Variants in ANKS1B observed in about 807,000 individuals in gnomAD.
ANKS1B encodes the protein ankyrin repeat and sterile alpha motif domain-containing protein 1B.
Under a neutral mutation model 148.3 loss-of-function variants are expected in ANKS1B, and 36 were observed. That is an observed-to-expected ratio of 0.24 (90% CI 0.19 to 0.32). ANKS1B has a LOEUF of 0.32. Ranked by LOEUF, ANKS1B falls within the 10% of genes least tolerant of loss-of-function variation. The pLI, the probability that ANKS1B is intolerant of heterozygous loss-of-function variation, is 1.00. For missense variants in ANKS1B, 1,157 were observed against 1,542.6 expected (o/e 0.75, Z 4.19); for synonymous variants, 542 against 560.8 (o/e 0.97, Z 0.47).
At chr12:98,822,641 G>A (rs1356065623) in intron 19 of ANKS1B, among the ~76,000 whole-genome samples, 1 of 152,090 alleles carries the variant, frequency 6.6e-6, no homozygotes, top group African/African-American at 2.4e-5. Context: ...TCCATGGTCT[G>A]GTTTTAACTG....
At chr12:99,235,577 C>T (rs955213621) in intron 14 of ANKS1B, among the ~76,000 whole-genome samples, 5 of 152,142 alleles carry the variant, frequency 3.3e-5, no homozygotes, top group Non-Finnish European at 1.5e-5. Flanking sequence ...TAGGCTGGTT[C>T]GTTGGGTTTT....
chr12:99,734,926 C>T (rs1359684640), intron 8 of ANKS1B, among the ~76,000 whole-genome samples: 2 of 152,094 alleles, frequency 1.3e-5, no homozygotes, highest in African/African-American at 4.8e-5. Context: ...TCCCTCCAGA[C>T]CCACCCTGCA....
chr12:99,905,850 C>A (rs1269895224), intron 1 of ANKS1B, among the ~76,000 whole-genome samples: 1 of 152,154 alleles, frequency 6.6e-6, no homozygotes, highest in East Asian at 1.9e-4. Context: ...AAGACCCTGT[C>A]TCCAAATACA....
At chr12:99,411,278 C>A (rs1350195039) in intron 11 of ANKS1B, among the ~76,000 whole-genome samples, 5 of 152,128 alleles carry the variant, frequency 3.3e-5, no homozygotes, top group Non-Finnish European at 7.3e-5. Flanking sequence ...TGTTTAGGTC[C>A]CACTTATTAG....
intron 1 of ANKS1B, among the ~76,000 whole-genome samples, chr12:99,884,636 A>G (rs1448803248): frequency 6.6e-6 from 1 of 152,236 alleles, no homozygotes; most frequent in Non-Finnish European, 1.5e-5. Context: ...CAAAGATGAC[A>G]GATGTAAAAC....
chr12:99,308,863 T>A (rs2082721550), intron 12 of ANKS1B, among the ~76,000 whole-genome samples: 1 of 150,138 alleles, frequency 6.7e-6, no homozygotes, highest in South Asian at 2.1e-4. Flanking sequence ...AGATTTATTG[T>A]TATTATGTAG....
chr12:99,850,281 G>GTCTCTCCCTCTCCCTCTC (rs57015094), intron 1 of ANKS1B, among the ~76,000 whole-genome samples: 1 of 114,206 alleles, frequency 8.8e-6, no homozygotes, highest in Non-Finnish European at 1.8e-5. Context: ...AAGCAAGAAA[G>GTCTCTCCCTCTCCCTCTC]TCTCTCTCTC....
chr12:98,830,438 GC>G (rs1364635452), intron 18 of ANKS1B, among the ~76,000 whole-genome samples: 1 of 152,028 alleles, frequency 6.6e-6, no homozygotes, highest in Non-Finnish European at 1.5e-5. Flanking sequence ...CTCTCAGGAG[GC>G]TAAGCTTGTC....
At chr12:98,742,113 A>G (rs2097802941), downstream of ANKS1B, among the ~76,000 whole-genome samples, 1 of 152,236 alleles carries the variant, frequency 6.6e-6, no homozygotes, top group Non-Finnish European at 1.5e-5. Context: ...GGCTTGGAAC[A>G]TGCATATTAG....
intron 12 of ANKS1B, among the ~76,000 whole-genome samples, chr12:99,332,001 AGCTGGGTATAACCTCT>A (rs935046988): frequency 6.6e-6 from 1 of 152,056 alleles, no homozygotes; most frequent in Admixed American, 6.6e-5. Flanking sequence ...ATATATTCAC[AGCTGGGTATAACCTCT>A]GCAGGCACCA....
In ANKS1B at chr12:99,020,168, T is replaced by C. The variant is rs141632464; in HGVS notation, c.2778+32989A>G. Among the ~76,000 whole-genome samples, 100 of 152,232 alleles carry C rather than the reference T, an allele frequency of 6.6e-4. No individual in the cohort carries two copies. The East Asian group carries it at 0.014, about 21-fold the overall frequency. On this transcript the variant is annotated intron_variant, in intron 17 of 26. Coordinates refer to ENST00000683438, the MANE Select transcript of ANKS1B (RefSeq NM_001352186.2). ...GTGGCATTAAGTACATCTACACTGT[T>C]ATGCAACCATCACCATCATCCATCT...
intron 5 of ANKS1B, among the ~76,000 whole-genome samples, chr12:99,780,437 A>G (rs755817495): frequency 4.0e-5 from 5 of 125,302 alleles, no homozygotes; most frequent in Non-Finnish European, 7.0e-5. Flanking sequence ...CACCATGCCC[A>G]ACTAATTTTT....
intron 8 of ANKS1B, among the ~76,000 whole-genome samples, chr12:99,705,558 G>A (rs548283652): frequency 8.0e-4 from 121 of 152,134 alleles, no homozygotes; most frequent in Non-Finnish European, 1.5e-3. Context: ...ATTTCTCTAG[G>A]GAATTTATTC....
At chr12:99,290,137 A>T (rs2079735897) in intron 12 of ANKS1B, among the ~76,000 whole-genome samples, 1 of 151,898 alleles carries the variant, frequency 6.6e-6, no homozygotes, top group Non-Finnish European at 1.5e-5. Flanking sequence ...TCTATGAGCA[A>T]CTCTATGCCA....
At chr12:99,679,642 T>C (rs1343989421) in intron 8 of ANKS1B, among the ~76,000 whole-genome samples, 1 of 151,826 alleles carries the variant, frequency 6.6e-6, no homozygotes, top group Non-Finnish European at 1.5e-5. Flanking sequence ...ATATTACCAG[T>C]TTCAACAAGG....
intron 14 of ANKS1B, among the ~76,000 whole-genome samples, chr12:99,170,555 C>T (rs1287179894): frequency 6.6e-6 from 1 of 152,178 alleles, no homozygotes; most frequent in Non-Finnish European, 1.5e-5. Context: ...GTTATCTTTA[C>T]TGCCAGTAAA....
At chr12:99,476,193 G>A (rs2096317180) in intron 10 of ANKS1B, among the ~76,000 whole-genome samples, 1 of 152,138 alleles carries the variant, frequency 6.6e-6, no homozygotes, top group Non-Finnish European at 1.5e-5. Flanking sequence ...AGGAGTTCAA[G>A]GCCACCCTGG....
downstream of ANKS1B, among the ~76,000 whole-genome samples, chr12:98,742,136 C>T (rs570064436): frequency 1.3e-5 from 2 of 152,236 alleles, no homozygotes; most frequent in Admixed American, 6.5e-5. Context: ...CATCTGTACT[C>T]GTGAAGTCTG....
chr12:99,943,742 T>A (rs1000050011), intron 1 of ANKS1B, among the ~76,000 whole-genome samples: 2 of 151,806 alleles, frequency 1.3e-5, no homozygotes, highest in Non-Finnish European at 2.9e-5. Context: ...CAGTTCAAGA[T>A]TTGGGTGGGG....
Sources: allele counts gnomAD v4.1 joint callset (sites outside exome capture counted in the v4.1 genomes callset), GRCh38; gene constraint gnomAD v4.1.1; transcripts MANE v1.5; gene names NCBI Gene and HGNC (gene_info 2026-07-23, HGNC 2026-07-21).